Variants in SYT13 observed in about 807,000 individuals in gnomAD.
The protein encoded by SYT13 is synaptotagmin-13.
In SYT13, 21 loss-of-function variants were observed where a neutral mutation model predicts 38.6. That is an observed-to-expected ratio of 0.54 (90% CI 0.39 to 0.78). The LOEUF (loss-of-function observed/expected upper bound fraction) is 0.78. Among genes scored for constraint, SYT13 ranks in the 30% least tolerant of loss-of-function variants. The pLI, the probability that SYT13 is intolerant of heterozygous loss-of-function variation, is 0.00. For missense variants in SYT13, 495 were observed against 548.7 expected, an observed-to-expected ratio of 0.90 and a Z score of 0.98; for synonymous variants, 241 against 237.6, an observed-to-expected ratio of 1.01 and a Z score of -0.13.
intron 1 of SYT13, among the ~76,000 whole-genome samples, chr11:45,282,272 A>C (rs902882823): frequency 6.6e-6 from 1 of 152,152 alleles, no homozygotes; most frequent in African/African-American, 2.4e-5. Flanking sequence ...AGTAAAACTG[A>C]ATTCCTTGCA....
intron 1 of SYT13, among the ~76,000 whole-genome samples, chr11:45,256,124 GC>G (rs1854744093): frequency 2.6e-5 from 4 of 152,000 alleles, no homozygotes; most frequent in Admixed American, 2.6e-4. Flanking sequence ...CCATCCATCG[GC>G]CCATCCATCC....
chr11:45,262,174 G>C (rs1854825286), intron 1 of SYT13, among the ~76,000 whole-genome samples: 1 of 152,176 alleles, frequency 6.6e-6, no homozygotes, highest in African/African-American at 2.4e-5. Context: ...CTACAACATG[G>C]ATGATCCTTG....
At position 45,252,557 on chromosome 11, in the gene SYT13, G is replaced by C; in HGVS notation, c.710C>G (p.Ala237Gly). ...LPLAEEELPT[A>G]TLTLTLRTCD... ...GGTCCTCAAGGTCAGCGTCAGGGTG[G>C]CTGTGGGGAGCTCCTCCTCCGCCAG... The change falls in exon 4 of 6, where the codon GCC (alanine) becomes GGC (glycine). Residue 237 changes from alanine to glycine, a missense_variant. Transcript: ENST00000020926. This position sits in a 1 kb window ranked among gnomAD's most constrained non-coding sequence, Gnocchi z 4.3. 4 of 1,614,134 alleles carry C rather than the reference G, an allele frequency of 2.5e-6. No individual in the cohort carries two copies. Among genetic ancestry groups the C allele is most frequent in the Non-Finnish European group, 3.4e-6 (4 of 1,180,034 alleles).
chr11:45,279,083 G>T (rs1314849162), intron 1 of SYT13, among the ~76,000 whole-genome samples: 1 of 152,186 alleles, frequency 6.6e-6, no homozygotes, highest in Non-Finnish European at 1.5e-5. Context: ...GAAACACAAT[G>T]GCTCAAATAA....
In SYT13 at chr11:45,254,298, C is replaced by G; in HGVS notation, c.516G>C (p.Lys172Asn). The change falls in exon 3 of 6, where the codon AAG becomes AAC. Residue 172 changes from lysine (K) to asparagine (N), a missense_variant. Transcript: ENST00000020926. ...CCAGGCGAGTCACAAACAATTCTGC[C>G]TTCTGACAGTCATAGTCCAGGCAGT... The part of the protein sequence containing the change: ...LHYCLDYDCQ[K>N]AELFVTRLEA... 6.2e-7 allele frequency: 1 copy of G among 1,612,882 alleles called. No homozygotes were observed. The highest frequency in any genetic ancestry group is 8.5e-7 in the Non-Finnish European group (1 of 1,179,578).
intron 1 of SYT13, among the ~76,000 whole-genome samples, chr11:45,263,637 G>T (rs759088913): frequency 6.6e-6 from 1 of 152,220 alleles, no homozygotes; most frequent in Non-Finnish European, 1.5e-5. Flanking sequence ...CTAAGCCCCC[G>T]CCAAGGGGGT....
intron 1 of SYT13, among the ~76,000 whole-genome samples, chr11:45,279,320 A>T (rs1345557215): frequency 6.6e-6 from 1 of 152,244 alleles, no homozygotes; most frequent in East Asian, 1.9e-4. Context: ...AGTGGATCAC[A>T]CCTGTAATTC....
In SYT13 at chr11:45,243,955, CT is replaced by C; in HGVS notation, c.*96del. ...CCCAGCCTTGCAAACACATCTGTCA[CT>C]GTCTTCTGGGTGTCAGAATGAGGAA... On this transcript the variant is annotated 3_prime_UTR_variant, in exon 6 of 6. Transcript: ENST00000020926. 7.6e-7 allele frequency: 1 copy of C among 1,315,514 alleles called. No individual in the cohort carries two copies. The highest frequency in any genetic ancestry group is 1.0e-6 in the Non-Finnish European group (1 of 962,898). 81.5% of individuals were successfully genotyped at this position (1,315,514 alleles called of 1,614,324 possible). A position where few individuals can be genotyped will look rare whatever the true frequency, so the allele number is the denominator to read the frequency against.
At chr11:45,285,947 C>T (rs775336000) in intron 1 of SYT13, 78 bp downstream of exon 1, 5 of 1,543,764 alleles carry the variant, frequency 3.2e-6, no homozygotes, top group Non-Finnish European at 4.4e-6. Context: ...ACGACCGCCT[C>T]CCACCCCAGT....
intron 1 of SYT13, among the ~76,000 whole-genome samples, chr11:45,263,153 C>T (rs897232602): frequency 1.3e-5 from 2 of 152,144 alleles, no homozygotes; most frequent in East Asian, 1.9e-4. Context: ...ACAGATGGCA[C>T]GGGGGGTGGA....
At chr11:45,278,051 C>G (rs936750696) in intron 1 of SYT13, among the ~76,000 whole-genome samples, 1 of 152,192 alleles carries the variant, frequency 6.6e-6, no homozygotes, top group Admixed American at 6.5e-5. Context: ...GAGGAACCCA[C>G]CTTTTTCACC....
chr11:45,240,402 T>C lies in SYT13; in HGVS notation c.*3650A>G, dbSNP rs755779963. ...TCTCATGCATCTTTTTGTGCTTTAG[T>C]TCATGACTGCAAAACACACACTTAG... On this transcript the variant is annotated 3_prime_UTR_variant, in exon 6 of 6. Transcript: ENST00000020926. 1.9e-4 allele frequency: 29 copies of C among 152,650 alleles called. No homozygotes were observed. The highest frequency in any genetic ancestry group is 1.9e-4 in the Non-Finnish European group (13 of 68,036). The allele number at this position is 152,650 out of a possible 1,614,324, so 9.5% of individuals were successfully genotyped here.
At chr11:45,266,620 T>C (rs1854885143) in intron 1 of SYT13, among the ~76,000 whole-genome samples, 1 of 152,116 alleles carries the variant, frequency 6.6e-6, no homozygotes, top group Admixed American at 6.5e-5. Flanking sequence ...ATTTTGCTCA[T>C]TTTGCCTCCA....
chr11:45,254,612 A>G, intron 2 of SYT13: 1 of 514,472 alleles, frequency 1.9e-6, no homozygotes, highest in Non-Finnish European at 3.3e-6. Context: ...CTCCCTCATC[A>G]ACCACACAAA....
chr11:45,276,006 T>G (rs1349064496), intron 1 of SYT13, among the ~76,000 whole-genome samples: 1 of 152,214 alleles, frequency 6.6e-6, no homozygotes, highest in South Asian at 2.1e-4. Flanking sequence ...GGGTTGCCCA[T>G]GTGGACTCAT....
intron 1 of SYT13, chr11:45,258,435 C>G (rs1202822064): frequency 6.6e-6 from 1 of 152,180 alleles, no homozygotes; most frequent in Non-Finnish European, 1.5e-5. Context: ...TCTGGGCCGT[C>G]ACCTTAAGTG....
In SYT13 at chr11:45,255,699, C is replaced by A. The variant is rs1460604592; in HGVS notation, c.376G>T (p.Val126Phe). 1.9e-6 allele frequency: 3 copies of A among 1,614,172 alleles called. No individual in the cohort carries two copies. In the South Asian group the frequency reaches 3.3e-5, roughly 18 times the overall value. ...GGGAGGATGAACAGCTCCTCTGTGA[C>A]CTGCCTCTTGAGGCGACTGTCATTC... ...PPNDSRLKRQVTEELFILPQN... is the reference protein window; with the variant it reads ...PPNDSRLKRQFTEELFILPQN... Residue 126 changes from valine to phenylalanine, a missense_variant, in exon 2 of 6, where the codon GTC becomes TTC. Val to Phe is a conservative substitution (Grantham distance 50). Transcript: ENST00000020926.
Position 45,252,007 on chromosome 11 carries a change from A to C in SYT13, c.846+414T>G, listed in dbSNP as rs770213697. Among the ~76,000 whole-genome samples, 3 of 152,124 alleles carry C rather than the reference A, an allele frequency of 2.0e-5. No individual in the cohort carries two copies. The highest frequency in any genetic ancestry group is 4.4e-5 in the Non-Finnish European group (3 of 67,994). On this transcript the variant is annotated intron_variant, in intron 4 of 5. Coordinates refer to ENST00000020926, the MANE Select transcript of SYT13 (RefSeq NM_020826.3). This position sits in a 1 kb window ranked among gnomAD's most constrained non-coding sequence, Gnocchi z 4.3. Reference sequence around the variant, plus strand: ...TTGTCCCCTAGTCTGTACACTCCTGAGTGGTGGGGCTCCACCCTTCATGCT... The same window carrying C: ...TTGTCCCCTAGTCTGTACACTCCTGCGTGGTGGGGCTCCACCCTTCATGCT...
chr11:45,252,689 C>T lies in SYT13; in HGVS notation c.578G>A (p.Cys193Tyr). The T allele has an allele frequency of 6.3e-7, 1 of 1,588,972 alleles. No homozygotes were observed. The highest frequency in any genetic ancestry group is 8.6e-7 in the Non-Finnish European group (1 of 1,161,372). The change falls in exon 4 of 6, where the codon TGC becomes TAC. Residue 193 changes from cysteine (C) to tyrosine (Y), a missense_variant. Physicochemically the swap from Cys to Tyr is radical, Grantham distance 194. Transcript: ENST00000020926. This position sits in a 1 kb window ranked among gnomAD's most constrained non-coding sequence, Gnocchi z 4.3. ...ATTGGCCACACTCCCTTGGACGTAG[C>T]AGTCACAGCCTCCGTCGTGGTTGCT... ...VTSNHDGGCD[C>Y]YVQGSVANRT...
Sources: gnomAD v4.1 joint callset for allele counts (sites outside exome capture counted in the v4.1 genomes callset) on GRCh38, gnomAD v4.1.1 for gene constraint, Gnocchi (gnomAD v3.1) non-coding constraint, MANE v1.5 for transcripts, NCBI Gene and HGNC (gene_info 2026-07-23, HGNC 2026-07-21) for gene names.